The following DGKG variants were observed in gnomAD, a reference collection of about 807,000 sequenced individuals.
DGKG encodes the protein diacylglycerol kinase gamma.
A neutral mutation model predicts 105.3 loss-of-function variants in DGKG; 78 were observed. The ratio of observed to expected loss-of-function variants is 0.74; its 90% CI spans 0.62 to 0.89. The LOEUF (loss-of-function observed/expected upper bound fraction) is 0.89, where lower values mean the gene tolerates loss of function less well. Ranked by LOEUF, DGKG falls within the 40% of genes least tolerant of loss-of-function variation. DGKG has a pLI of 0.00. For missense variants in DGKG, 958 were observed against 1,020.1 expected, an observed-to-expected ratio of 0.94 and a Z score of 0.83; for synonymous variants, 346 against 367.1, an observed-to-expected ratio of 0.94 and a Z score of 0.66.
intron 1 of DGKG, among the ~76,000 whole-genome samples, chr3:186,348,367 CTTTTTT>C (rs1303442403): frequency 5.4e-4 from 26 of 48,284 alleles, no homozygotes; most frequent in Middle Eastern, 0.017. Context: ...TTGCTGGGTG[CTTTTTT>C]TTTTTTTTTT....
intron 24 of DGKG, among the ~76,000 whole-genome samples, chr3:186,155,391 A>C (rs1241735121): frequency 6.6e-6 from 1 of 152,048 alleles, no homozygotes; most frequent in East Asian, 1.9e-4. Flanking sequence ...ACGAGGTTTC[A>C]CTATGTTGGC....
chr3:186,339,358 C>T (rs1245311977), intron 1 of DGKG, among the ~76,000 whole-genome samples: 2 of 152,048 alleles, frequency 1.3e-5, no homozygotes, highest in Non-Finnish European at 2.9e-5. Context: ...AGAGCTCAGA[C>T]AGCGATGATG....
In DGKG at chr3:186,346,851, T is replaced by C. The variant is rs9870590; in HGVS notation, c.-249+15095A>G. ...TATGTCCATTCCATCAAGCTCCTTA[T>C]AGCCTTAAAACTTTTATACACTAAT... is the stretch of plus-strand genomic sequence containing the variant. On this transcript the variant is annotated intron_variant, in intron 1 of 24. Transcript: ENST00000265022. Among the ~76,000 whole-genome samples, 599 of 152,350 alleles carry C rather than the reference T, an allele frequency of 3.9e-3. 6 individuals are homozygous for C. The highest frequency in any genetic ancestry group is 0.014 in the African/African-American group (566 of 41,578).
chr3:186,358,657 T>TTC (rs1727092118), intron 1 of DGKG, among the ~76,000 whole-genome samples: 1 of 151,970 alleles, frequency 6.6e-6, no homozygotes, highest in African/African-American at 2.4e-5. Context: ...TAGCCTTGAT[T>TTC]TCTTTTTTTT....
At chr3:186,275,179 C>A (rs907913987) in intron 10 of DGKG, among the ~76,000 whole-genome samples, 2 of 152,122 alleles carry the variant, frequency 1.3e-5, no homozygotes, top group East Asian at 3.9e-4. Flanking sequence ...GTACTTGGCC[C>A]CAAATGCTTA....
intron 7 of DGKG, among the ~76,000 whole-genome samples, chr3:186,282,413 A>G (rs1340783874): frequency 2.6e-5 from 4 of 152,188 alleles, no homozygotes; most frequent in Non-Finnish European, 2.9e-5. Flanking sequence ...GTCTTCCAAT[A>G]TTACCTTTAA....
intron 5 of DGKG, 32 bp from the exon 6 acceptor site, chr3:186,288,912 C>G: frequency 6.6e-7 from 1 of 1,515,048 alleles, no homozygotes. Context: ...CATCCAAGGA[C>G]ATTTTCTGTT....
At chr3:186,272,114 G>A (rs1168074437) in intron 11 of DGKG, 141 bp downstream of exon 11, 21 of 647,152 alleles carry the variant, frequency 3.2e-5, no homozygotes, top group African/African-American at 3.7e-5. Context: ...ATGGATGAAC[G>A]GGATGGTTTA....
At chr3:186,298,027 C>A in intron 4 of DGKG, 37 bp downstream of exon 4, 1 of 1,577,440 alleles carries the variant, frequency 6.3e-7, no homozygotes, top group Non-Finnish European at 8.6e-7. Flanking sequence ...ATGAGAGCTG[C>A]GCAAGGTCTT....
At chr3:186,209,029 G>A (rs567039552) in intron 21 of DGKG, among the ~76,000 whole-genome samples, 3 of 151,532 alleles carry the variant, frequency 2.0e-5, no homozygotes, top group East Asian at 1.9e-4. Flanking sequence ...TGTTATGGTC[G>A]GCAGTCAAAG....
At chr3:186,183,557 A>G (rs1006884761) in intron 22 of DGKG, among the ~76,000 whole-genome samples, 2 of 152,118 alleles carry the variant, frequency 1.3e-5, no homozygotes, top group African/African-American at 2.4e-5. Flanking sequence ...ACAAAGATTA[A>G]TAACAACCAG....
At chr3:186,252,000 T>C in intron 18 of DGKG, 81 bp from the exon 19 acceptor site, 3 of 1,392,732 alleles carry the variant, frequency 2.2e-6, no homozygotes, top group Non-Finnish European at 2.9e-6. Flanking sequence ...TCAGGGCAGG[T>C]AAGCCCAGGG....
rs1036390481 is a variant in DGKG at position 186,246,613 on chromosome 3, T to C, written c.1762-4045A>G. Reference sequence around the variant, plus strand: ...GGAGATTGGGGAATGGAAAAGGGTATAGACCCTTGTCCACGTCCCTCTGGG... The same window carrying C: ...GGAGATTGGGGAATGGAAAAGGGTACAGACCCTTGTCCACGTCCCTCTGGG... On this transcript the variant is annotated intron_variant, in intron 19 of 24. Transcript: ENST00000265022. Among the ~76,000 whole-genome samples the C allele has an allele frequency of 5.9e-5, 9 of 152,264 alleles. 1 individual carries two copies. The highest frequency in any genetic ancestry group is 1.0e-4 in the Non-Finnish European group (7 of 68,042).
chr3:186,161,226 C>G, intron 24 of DGKG: 1 of 1,009,388 alleles, frequency 9.9e-7, no homozygotes. Context: ...AGCAATTTGA[C>G]TTGTTCATCA....
chr3:186,167,435 C>T (rs187578626), intron 22 of DGKG, among the ~76,000 whole-genome samples: 3 of 152,268 alleles, frequency 2.0e-5, no homozygotes, highest in East Asian at 3.9e-4. Flanking sequence ...CTATAAACAA[C>T]CCACCGCTTC....
chr3:186,242,476 T>C, intron 20 of DGKG, 28 bp downstream of exon 20: 4 of 1,599,154 alleles, frequency 2.5e-6, no homozygotes, highest in Non-Finnish European at 2.6e-6. Flanking sequence ...ACTGGGTGGG[T>C]GGCAGCGCAG....
intron 1 of DGKG, among the ~76,000 whole-genome samples, chr3:186,358,122 C>A (rs1459076917): frequency 1.3e-5 from 2 of 152,206 alleles, no homozygotes; most frequent in Admixed American, 1.3e-4. Context: ...CTGGAAAATT[C>A]TCTTATTCGT....
intron 21 of DGKG, among the ~76,000 whole-genome samples, chr3:186,199,498 A>G (rs116541491): frequency 0.019 from 2,844 of 152,118 alleles, 95 homozygotes; most frequent in African/African-American, 0.065. Context: ...ACAACCCTAC[A>G]ATGTCAGTAT....
chr3:186,154,426 C>G (rs1715925399), intron 24 of DGKG, among the ~76,000 whole-genome samples: 1 of 151,854 alleles, frequency 6.6e-6, no homozygotes, highest in African/African-American at 2.4e-5. Flanking sequence ...GGCAGATCAC[C>G]TGAGGTCAGG....
Sources: allele counts gnomAD v4.1 joint callset (sites outside exome capture counted in the v4.1 genomes callset), GRCh38; gene constraint gnomAD v4.1.1; transcripts MANE v1.5; gene names NCBI Gene and HGNC (gene_info 2026-07-23, HGNC 2026-07-21).